A1CF: variants seen among roughly 807,000 people sequenced by gnomAD.
The protein encoded by A1CF is APOBEC-1 stimulating protein.
A neutral mutation model predicts 68.9 loss-of-function variants in A1CF; 48 were observed. The ratio of observed to expected loss-of-function variants is 0.70; its 90% CI spans 0.55 to 0.89. The LOEUF (loss-of-function observed/expected upper bound fraction) is 0.89, where lower values mean the gene tolerates loss of function less well. Ranked by LOEUF, A1CF falls within the 40% of genes least tolerant of loss-of-function variation. The pLI is 0.00. For synonymous variants in A1CF, 272 were observed against 260.4 expected, an observed-to-expected ratio of 1.04 and a Z score of -0.43; for missense variants, 653 against 718.9, an observed-to-expected ratio of 0.91 and a Z score of 1.05.
chr10:50,814,275 G>C (rs558085990), intron 9 of A1CF, among the ~76,000 whole-genome samples: 6 of 152,078 alleles, frequency 3.9e-5, no homozygotes, highest in Admixed American at 2.0e-4. Flanking sequence ...AGAAAACAAT[G>C]CCATTGATAA....
At chr10:50,825,682 G>A (rs1457505412) in intron 7 of A1CF, among the ~76,000 whole-genome samples, 1 of 152,120 alleles carries the variant, frequency 6.6e-6, no homozygotes, top group East Asian at 1.9e-4. Flanking sequence ...AGAAAGAGAT[G>A]GGGAGTCAAT....
intron 3 of A1CF, among the ~76,000 whole-genome samples, chr10:50,850,186 G>A (rs779090838): frequency 3.3e-5 from 5 of 152,162 alleles, no homozygotes; most frequent in African/African-American, 9.7e-5. Flanking sequence ...AAACAACTAT[G>A]AGTAAATTAT....
At chr10:50,859,807 A>T (rs754335895) in intron 3 of A1CF, 35 bp downstream of exon 3, 2 of 1,582,518 alleles carry the variant, frequency 1.3e-6, no homozygotes, top group Non-Finnish European at 1.7e-6. Flanking sequence ...GTGCAAATTC[A>T]GTGGTGAGTC....
chr10:50,882,522 T>C (rs1841827926), intron 1 of A1CF, among the ~76,000 whole-genome samples: 1 of 152,068 alleles, frequency 6.6e-6, no homozygotes, highest in Non-Finnish European at 1.5e-5. Flanking sequence ...GCTTTCCTGG[T>C]TGAATCAGCA....
At chr10:50,868,919 A>C (rs1841123105) in intron 1 of A1CF, among the ~76,000 whole-genome samples, 1 of 152,170 alleles carries the variant, frequency 6.6e-6, no homozygotes, top group Non-Finnish European at 1.5e-5. Flanking sequence ...CTCACATATA[A>C]GTGGGAGCTA....
chr10:50,857,376 A>G (rs1840531639), intron 3 of A1CF, among the ~76,000 whole-genome samples: 3 of 152,280 alleles, frequency 2.0e-5, no homozygotes, highest in Admixed American at 2.0e-4. Context: ...CTAGCCTCTG[A>G]TTTAGGTATG....
intron 7 of A1CF, among the ~76,000 whole-genome samples, chr10:50,827,457 C>T (rs565499919): frequency 5.3e-5 from 8 of 152,198 alleles, no homozygotes; most frequent in African/African-American, 1.9e-4. Context: ...TGCAATCAAA[C>T]TAGAACTCAG....
chr10:50,815,903 G>T (rs1039752541), intron 9 of A1CF, 103 bp downstream of exon 9: 3 of 1,338,096 alleles, frequency 2.2e-6, no homozygotes, highest in African/African-American at 2.9e-5. Flanking sequence ...CAATTTTTCA[G>T]TGCTTTTCTC....
chr10:50,851,222 A>G (rs1332643797), intron 3 of A1CF, among the ~76,000 whole-genome samples: 1 of 152,186 alleles, frequency 6.6e-6, no homozygotes, highest in Non-Finnish European at 1.5e-5. Flanking sequence ...TATTTCATCT[A>G]TGAAGGAGTA....
chr10:50,840,855 C>T (rs773481890), intron 5 of A1CF, among the ~76,000 whole-genome samples: 7 of 152,170 alleles, frequency 4.6e-5, no homozygotes, highest in Non-Finnish European at 1.0e-4. Context: ...ATTGCAATGG[C>T]ACTAACAAGT....
chr10:50,868,008 C>G (rs1841075210), intron 1 of A1CF, among the ~76,000 whole-genome samples: 1 of 152,106 alleles, frequency 6.6e-6, no homozygotes, highest in South Asian at 2.1e-4. Flanking sequence ...AATGAGAAGC[C>G]ACTGGGGCCC....
chr10:50,863,977 G>T (rs1024740697), intron 2 of A1CF, 56 bp downstream of exon 2: 1 of 152,178 alleles, frequency 6.6e-6, no homozygotes, highest in Non-Finnish European at 1.5e-5. Context: ...TATACCCTCA[G>T]AATATGTACA....
chr10:50,840,907 T>C (rs949186991), intron 5 of A1CF, among the ~76,000 whole-genome samples: 1 of 152,194 alleles, frequency 6.6e-6, no homozygotes, highest in African/African-American at 2.4e-5. Context: ...CCTCCCTGAA[T>C]TCTGAATTCT....
At chr10:50,830,006 C>A (rs1218401685) in intron 6 of A1CF, among the ~76,000 whole-genome samples, 1 of 152,126 alleles carries the variant, frequency 6.6e-6, no homozygotes, top group Non-Finnish European at 1.5e-5. Context: ...TTAAATGAAG[C>A]TAATTAACAT....
intron 12 of A1CF, among the ~76,000 whole-genome samples, chr10:50,808,878 A>G (rs149459348): frequency 1.3e-5 from 2 of 152,270 alleles, no homozygotes; most frequent in African/African-American, 4.8e-5. Context: ...CATGGCCAAT[A>G]TATGAATTAA....
rs1837596657 is a variant in A1CF at position 50,801,417 on chromosome 10, AG to A, written c.*5311del. On this transcript the variant is annotated 3_prime_UTR_variant, in exon 13 of 13. Transcript: ENST00000373997. ...GGGTGTGTGTGTGTGTGTTGGGGGC[AG>A]ACACTGTATAATTTGTTGTCTAAAC... 6.6e-6 allele frequency: 1 copy of A among 152,206 alleles called. No homozygotes were observed. The highest frequency in any genetic ancestry group is 1.5e-5 in the Non-Finnish European group (1 of 68,056). 9.4% of individuals were successfully genotyped at this position (152,206 alleles called of 1,614,324 possible). A position where few individuals can be genotyped will look rare whatever the true frequency, so the allele number is the denominator to read the frequency against.
intron 5 of A1CF, among the ~76,000 whole-genome samples, chr10:50,838,272 G>A (rs186342425): frequency 1.4e-3 from 214 of 152,250 alleles, no homozygotes; most frequent in South Asian, 6.4e-3. Context: ...ACCAAGGACC[G>A]TGTGTCAGAT....
chr10:50,842,310 G>C (rs1310722203), intron 4 of A1CF, among the ~76,000 whole-genome samples: 1 of 152,284 alleles, frequency 6.6e-6, no homozygotes, highest in African/African-American at 2.4e-5. Flanking sequence ...ACATCTTAGA[G>C]ACATGAAAAC....
intron 5 of A1CF, among the ~76,000 whole-genome samples, chr10:50,841,267 CTT>C (rs1411412706): frequency 6.6e-6 from 1 of 152,226 alleles, no homozygotes. Context: ...GTCCTCCTCT[CTT>C]TACCCTCTCC....
Sources: allele counts gnomAD v4.1 joint callset (sites outside exome capture counted in the v4.1 genomes callset), GRCh38; gene constraint gnomAD v4.1.1; transcripts MANE v1.5; gene names NCBI Gene and HGNC (gene_info 2026-07-23, HGNC 2026-07-21).